Variants in NRAP observed in about 807,000 individuals in gnomAD.
NRAP encodes the protein nebulin related anchoring protein.
In NRAP, 189 loss-of-function variants were observed where a neutral mutation model predicts 225.9. That is an observed-to-expected ratio of 0.84 (90% confidence interval 0.74 to 0.94). NRAP has a LOEUF of 0.94. NRAP is among the 40% of genes least tolerant of loss of function. NRAP has a pLI of 0.00. For missense variants in NRAP, 2,176 were observed against 2,168.7 expected (o/e 1.00, Z -0.07); for synonymous variants, 769 against 790.7 (o/e 0.97, Z 0.46).
At chr10:113,640,367 C>T in intron 13 of NRAP, 36 bp from the exon 14 acceptor site, 2 of 1,195,562 alleles carry the variant, frequency 1.7e-6, no homozygotes, top group Non-Finnish European at 2.4e-6. Flanking sequence ...ATGGAGAAAT[C>T]AATTTCTACT....
chr10:113,646,749 A>G (rs915222241), intron 10 of NRAP, among the ~76,000 whole-genome samples, 174 bp downstream of exon 10: 1 of 152,242 alleles, frequency 6.6e-6, no homozygotes, highest in Admixed American at 6.5e-5. Flanking sequence ...TCTCCTTGGA[A>G]GCAGACAAAT....
rs775013190 is a variant in NRAP at position 113,605,763 on chromosome 10, T to C, written c.3914A>G (p.Asp1305Gly). 2 of 1,598,826 alleles carry C rather than the reference T, an allele frequency of 1.3e-6. No individual in the cohort carries two copies. The highest frequency in any genetic ancestry group is 3.3e-5 in the Admixed American group (2 of 59,976). The change falls in exon 34 of 42, where the codon GAT becomes GGT. Residue 1305 changes from aspartate (D) to glycine (G), a missense_variant and splice_region_variant. Transcript: ENST00000359988. ...AARASGDIAS[D>G]FLYRHDFVKE... ...GGAAGGTCATATCATTCAACTCACATCACTGGCTATATCTCCAGAGGCCCG... is the reference window on the plus strand; with the variant it reads ...GGAAGGTCATATCATTCAACTCACACCACTGGCTATATCTCCAGAGGCCCG...
intron 6 of NRAP, among the ~76,000 whole-genome samples, chr10:113,652,241 C>G (rs1408259319): frequency 6.6e-6 from 1 of 152,172 alleles, no homozygotes; most frequent in East Asian, 1.9e-4. Context: ...TCACATAGCA[C>G]TAAGGGATAG....
At chr10:113,650,163 A>G in intron 8 of NRAP, 22 bp from the exon 9 acceptor site, 3 of 1,499,098 alleles carry the variant, frequency 2.0e-6, no homozygotes, top group Non-Finnish European at 2.8e-6. Flanking sequence ...CAAAGGACAA[A>G]CTCGGTGAAT....
At chr10:113,620,732 A>C (rs545507957) in intron 24 of NRAP, 24 bp from the exon 25 acceptor site, 2 of 1,539,758 alleles carry the variant, frequency 1.3e-6, no homozygotes, top group South Asian at 2.2e-5. Context: ...AAGAAAAAAA[A>C]AAAAAGCAGG....
intron 13 of NRAP, 93 bp downstream of exon 13, chr10:113,641,272 A>AT (rs5788038): frequency 6.7e-5 from 49 of 726,934 alleles, no homozygotes; most frequent in African/African-American, 8.9e-5. Flanking sequence ...TAGAAGACAG[A>AT]TTTTTTTTTA....
At chr10:113,623,659 G>A in intron 22 of NRAP, 23 bp from the exon 23 acceptor site, 1 of 1,535,468 alleles carries the variant, frequency 6.5e-7, no homozygotes, top group Non-Finnish European at 9.0e-7. Context: ...AGGAGAGAAG[G>A]TGAGTGGGTT....
rs1049464282 is a variant in NRAP at position 113,663,976 on chromosome 10, C to A, written c.-94G>T. On this transcript the variant is annotated 5_prime_UTR_variant, in exon 1 of 42. An upstream start codon of the reference 5' UTR is lost. Transcript: ENST00000359988. ...GTTCAAGTCTTCAAAATCCGACGAC[C>A]ATAAAATTCCTGTGGGCACCTCGAT... is the stretch of plus-strand genomic sequence containing the variant. 3.2e-6 allele frequency: 3 copies of A among 940,012 alleles called. No individual in the cohort carries two copies. The Admixed American group carries it at 5.6e-5, about 18-fold the overall frequency. The allele number at this position is 940,012 out of a possible 1,614,324, so 58.2% of individuals were successfully genotyped here.
At chr10:113,654,466 C>G (rs1850176626) in intron 4 of NRAP, among the ~76,000 whole-genome samples, 1 of 143,822 alleles carries the variant, frequency 7.0e-6, no homozygotes, top group Non-Finnish European at 1.5e-5. Context: ...CAAAAACCTA[C>G]TACCTGTTAT....
rs1431549928 is a variant in NRAP, at chr10:113,626,072, T to C, written c.2219A>G (p.Lys740Arg). 3.1e-6 allele frequency: 5 copies of C among 1,612,620 alleles called. No individual in the cohort carries two copies. Among genetic ancestry groups the C allele is most frequent in the East Asian group, 2.2e-5 (1 of 44,836 alleles). Residue 740 changes from lysine (K) to arginine (R), a missense_variant, in exon 21 of 42, where the codon AAG becomes AGG. Transcript: ENST00000359988. ...VTDSSQMEHA[K>R]KSQELQSGVA... ...CCCGCTCTGTAGCTCCTGGCTCTTC[T>C]TGGCGTGCTCCATCTGGGAGCTGTC...
At chr10:113,608,368 G>C in intron 32 of NRAP, 46 bp downstream of exon 32, 1 of 1,149,456 alleles carries the variant, frequency 8.7e-7, no homozygotes, top group Non-Finnish European at 1.3e-6. Flanking sequence ...TTTAACAATC[G>C]AGCAGTTTTT....
chr10:113,621,870 T>C lies in NRAP; in HGVS notation c.2768A>G (p.Asp923Gly). 6.2e-7 allele frequency: 1 copy of C among 1,605,422 alleles called. No homozygotes were observed. Among genetic ancestry groups the C allele is most frequent in the African/African-American group, 1.3e-5 (1 of 74,910 alleles). The change falls in exon 24 of 42, where the codon GAT becomes GGT. Residue 923 changes from aspartate to glycine, a missense_variant and splice_region_variant. By Grantham distance (94) the Asp-to-Gly change is moderately conservative (BLOSUM62 -1). Coordinates refer to ENST00000359988, the MANE Select transcript of NRAP (RefSeq NM_198060.4). Reference sequence around the variant, plus strand: ...TGCACACACTCACACAGAGCTTACATCACTCTGTAAGCCATAAGCCTTCTT... The same window carrying C: ...TGCACACACTCACACAGAGCTTACACCACTCTGTAAGCCATAAGCCTTCTT... Reference protein sequence around the residue: ...WAKKAYGLQSDNQYRADVKWM... With the variant: ...WAKKAYGLQSGNQYRADVKWM...
In NRAP at chr10:113,626,063, T is replaced by C. The variant is rs532259152; in HGVS notation, c.2228A>G (p.Gln743Arg). 4.3e-6 allele frequency: 7 copies of C among 1,612,020 alleles called. No individual in the cohort carries two copies. The South Asian group carries it at 7.7e-5, about 18-fold the overall frequency. ...SSQMEHAKKS[Q>R]ELQSGVAYKA... Reference sequence around the variant, plus strand: ...AGGACTCACCCCGCTCTGTAGCTCCTGGCTCTTCTTGGCGTGCTCCATCTG... The same window carrying C: ...AGGACTCACCCCGCTCTGTAGCTCCCGGCTCTTCTTGGCGTGCTCCATCTG... The change falls in exon 21 of 42, where the codon CAG (glutamine) becomes CGG (arginine). Residue 743 changes from glutamine to arginine, a missense_variant. Physicochemically the swap from Gln to Arg is conservative, Grantham distance 43. Around this residue, in one of 3 missense-constraint regions of NRAP, gnomAD observed 1,708 missense variants for 1,695.5 expected, o/e 1.01. Coordinates refer to ENST00000359988, the MANE Select transcript of NRAP (RefSeq NM_198060.4).
At chr10:113,644,157 A>AAAAAAC in intron 11 of NRAP, among the ~76,000 whole-genome samples, 1 of 148,866 alleles carries the variant, frequency 6.7e-6, no homozygotes, top group Non-Finnish European at 1.5e-5. Flanking sequence ...CAAAAAAAAA[A>AAAAAAC]AAAAAAAAAA....
At chr10:113,658,702 G>A (rs550630826) in intron 3 of NRAP, among the ~76,000 whole-genome samples, 12 of 151,986 alleles carry the variant, frequency 7.9e-5, no homozygotes, top group African/African-American at 2.7e-4. Context: ...CCAACACAGT[G>A]AAATCCCATC....
At chr10:113,596,075 C>G (rs1846274414) in intron 37 of NRAP, among the ~76,000 whole-genome samples, 1 of 152,188 alleles carries the variant, frequency 6.6e-6, no homozygotes, top group Admixed American at 6.5e-5. Flanking sequence ...GAGCATTGGA[C>G]ATGCTTTTTA....
At chr10:113,648,203 T>A (rs1849695831) in intron 9 of NRAP, among the ~76,000 whole-genome samples, 1 of 152,172 alleles carries the variant, frequency 6.6e-6, no homozygotes, top group Admixed American at 6.5e-5. Flanking sequence ...GCACACACAT[T>A]TTCTAAAATA....
In NRAP at chr10:113,657,531, T is replaced by G; in HGVS notation, c.299A>C (p.His100Pro). Residue 100 changes from histidine to proline, a missense_variant, in exon 4 of 42, where the codon CAC becomes CCC. Transcript: ENST00000359988. ...EDGEQCKSVF[H>P]WDMKSKDKEG... is the part of the protein sequence containing the mutation. ...CTTATCCTTGGATTTCATGTCCCAG[T>G]GAAAAACTGATTTACACTGTTCACC... The G allele has an allele frequency of 6.2e-7, 1 of 1,605,026 alleles. No homozygotes were observed. The highest frequency in any genetic ancestry group is 8.5e-7 in the Non-Finnish European group (1 of 1,171,702).
chr10:113,612,885 C>T (rs1346174349), intron 29 of NRAP, among the ~76,000 whole-genome samples: 1 of 152,180 alleles, frequency 6.6e-6, no homozygotes, highest in African/African-American at 2.4e-5. Flanking sequence ...CAATGATTTT[C>T]CTAGCCAACG....
Sources: gnomAD v4.1 joint callset for allele counts (sites outside exome capture counted in the v4.1 genomes callset) on GRCh38, gnomAD v4.1.1 for gene constraint, gnomAD v4.1.1 regional missense constraint, MANE v1.5 for transcripts, NCBI Gene and HGNC (gene_info 2026-07-23, HGNC 2026-07-21) for gene names.